NAV2: variants seen among roughly 807,000 people sequenced by gnomAD.
NAV2 encodes the protein neuron navigator 2, also known as helicase, APC down-regulated 1.
NAV2 carries 54 observed loss-of-function variants against 223.2 expected under a neutral mutation model. The ratio of observed to expected loss-of-function variants is 0.24; its 90% confidence interval spans 0.19 to 0.30. NAV2 has a LOEUF of 0.30. Ranked by LOEUF, NAV2 falls within the 10% of genes least tolerant of loss-of-function variation. NAV2 has a pLI of 1.00. For missense variants in NAV2, 2,806 were observed against 3,147.5 expected (o/e 0.89, Z 2.60); for synonymous variants, 1,279 against 1,239.3 (o/e 1.03, Z -0.67).
intron 1 of NAV2, among the ~76,000 whole-genome samples, chr11:19,783,861 T>G (rs567975057): frequency 4.6e-4 from 70 of 152,302 alleles, no homozygotes; most frequent in African/African-American, 1.6e-3. Context: ...ATAATGATAA[T>G]GATCATGATG....
At chr11:19,894,306 G>C (rs764513708) in intron 6 of NAV2, among the ~76,000 whole-genome samples, 1 of 152,116 alleles carries the variant, frequency 6.6e-6, no homozygotes, top group Non-Finnish European at 1.5e-5. Context: ...TTGAAGCTTC[G>C]CCTGTTGAGG....
At chr11:19,835,452 G>A (rs2060177626) in intron 2 of NAV2, among the ~76,000 whole-genome samples, 1 of 152,140 alleles carries the variant, frequency 6.6e-6, no homozygotes, top group African/African-American at 2.4e-5. Flanking sequence ...CATCTCCTGT[G>A]TGACTTCTTT....
chr11:19,607,510 G>GA lies in NAV2; in HGVS notation c.76-224973dup, dbSNP rs1417237143. The stretch of plus-strand genomic sequence containing the variant: ...GGCCAGTTCTACTTAAATGTTGTCT[G>GA]ACTGCTACTTAACCCAACACTGCAG... On this transcript the variant is annotated intron_variant, in intron 1 of 37. Transcript: ENST00000360655. 3.3e-5 allele frequency among the ~76,000 whole-genome samples: 5 copies of GA among 152,310 alleles called. No homozygotes were observed. The East Asian group carries it at 9.7e-4, about 29-fold the overall frequency.
chr11:20,022,968 C>A, intron 11 of NAV2: 1 of 1,388,066 alleles, frequency 7.2e-7, no homozygotes, highest in Non-Finnish European at 9.8e-7. Context: ...GCTAGCTAGT[C>A]CTTTAGTTAC....
intron 1 of NAV2, among the ~76,000 whole-genome samples, chr11:19,631,485 C>G (rs2047343942): frequency 6.6e-6 from 1 of 152,166 alleles, no homozygotes; most frequent in Non-Finnish European, 1.5e-5. Flanking sequence ...GAAAGCACAA[C>G]AAGTGTTTTT....
chr11:19,693,501 C>T (rs1185359578), intron 1 of NAV2, among the ~76,000 whole-genome samples: 2 of 152,100 alleles, frequency 1.3e-5, no homozygotes, highest in Non-Finnish European at 2.9e-5. Context: ...CTTTAAGAGG[C>T]CACCAAAGTC....
At chr11:19,765,982 C>G (rs938946191) in intron 1 of NAV2, among the ~76,000 whole-genome samples, 4 of 152,126 alleles carry the variant, frequency 2.6e-5, no homozygotes, top group Non-Finnish European at 5.9e-5. Flanking sequence ...TCTTCCAGGG[C>G]AGGTGCCAGC....
intron 1 of NAV2, among the ~76,000 whole-genome samples, chr11:19,405,462 G>C (rs138424286): frequency 6.6e-6 from 1 of 152,076 alleles, no homozygotes; most frequent in Non-Finnish European, 1.5e-5. Context: ...AGTTCTTTCC[G>C]CAGTCAGGGC....
At chr11:20,077,110 A>G (rs1169913701) in intron 22 of NAV2, among the ~76,000 whole-genome samples, 1 of 152,202 alleles carries the variant, frequency 6.6e-6, no homozygotes, top group Non-Finnish European at 1.5e-5. Flanking sequence ...CCATTGTAGT[A>G]GAGAAGACAG....
intron 1 of NAV2, among the ~76,000 whole-genome samples, chr11:19,429,445 T>C (rs1850963735): frequency 6.6e-6 from 1 of 152,224 alleles, no homozygotes; most frequent in Non-Finnish European, 1.5e-5. Flanking sequence ...TCAATGTTGA[T>C]TCTGCCAGTT....
At chr11:19,547,256 G>A (rs1233781504) in intron 1 of NAV2, among the ~76,000 whole-genome samples, 3 of 152,194 alleles carry the variant, frequency 2.0e-5, no homozygotes, top group Non-Finnish European at 2.9e-5. Flanking sequence ...AGAGCCCAGC[G>A]GAGGGCCAGG....
intron 1 of NAV2, among the ~76,000 whole-genome samples, chr11:19,600,059 A>G (rs1334684839): frequency 3.9e-5 from 6 of 152,174 alleles, no homozygotes; most frequent in African/African-American, 7.2e-5. Flanking sequence ...TGAGACAGCG[A>G]GGAGAAAGCC....
intron 11 of NAV2, among the ~76,000 whole-genome samples, chr11:20,001,057 C>T (rs903571652): frequency 1.3e-5 from 2 of 152,172 alleles, no homozygotes; most frequent in Admixed American, 6.5e-5. Flanking sequence ...ACCCTCCAGC[C>T]TTGGCCCCTG....
At chr11:19,857,008 T>C (rs1433039741) in intron 3 of NAV2, among the ~76,000 whole-genome samples, 2 of 152,228 alleles carry the variant, frequency 1.3e-5, no homozygotes, top group Non-Finnish European at 2.9e-5. Flanking sequence ...CACAGGCTGG[T>C]GTGAGGGAAC....
At chr11:20,006,888 G>A (rs1013601539) in intron 11 of NAV2, among the ~76,000 whole-genome samples, 1 of 151,762 alleles carries the variant, frequency 6.6e-6, no homozygotes, top group African/African-American at 2.4e-5. Context: ...GTACAAAAAT[G>A]CAAAATAATT....
rs115282477 is a variant in NAV2, at chr11:19,638,038, G to A, written c.76-194446G>A. Among the ~76,000 whole-genome samples, 380 of 152,294 alleles carry A rather than the reference G, an allele frequency of 2.5e-3. 2 individuals are homozygous for A. The highest frequency in any genetic ancestry group is 8.7e-3 in the African/African-American group (362 of 41,564). On this transcript the variant is annotated intron_variant, in intron 1 of 37. Transcript: ENST00000360655. ...TCTAAAATACTCAGGGTAACCTTAG[G>A]AGGTATATATTGATACGTCACTTGT...
rs1554969052 is a variant in NAV2, at chr11:20,106,207, A to ATATGTGTGTG, written c.6841+483_6841+484insGTGTGTGTAT. 3.1e-4 allele frequency among the ~76,000 whole-genome samples: 16 copies of ATATGTGTGTG among 50,880 alleles called. 1 individual carries two copies. The highest frequency in any genetic ancestry group is 7.3e-4 in the African/African-American group (14 of 19,250). 33.4% of individuals were successfully genotyped at this position (50,880 alleles called of 152,430 possible). A position where few individuals can be genotyped will look rare whatever the true frequency, so the allele number is the denominator to read the frequency against. On this transcript the variant is annotated intron_variant, in intron 35 of 37. Transcript: ENST00000349880. Reference sequence around the variant, plus strand: ...TGTATATATATATATATATATATATATATATATATATATATATATATATGC... The same window carrying ATATGTGTGTG: ...TGTATATATATATATATATATATATATATGTGTGTGTATATATATATATATATATATATGC...
At position 19,488,622 on chromosome 11, in the gene NAV2, T is replaced by A. The variant is rs114164332; in HGVS notation, c.75+137595T>A. Among the ~76,000 whole-genome samples, 245 of 152,336 alleles carry A rather than the reference T, an allele frequency of 1.6e-3. 2 individuals carry two copies. Among genetic ancestry groups the A allele is most frequent in the African/African-American group, 5.6e-3 (233 of 41,574 alleles). On this transcript the variant is annotated intron_variant, in intron 1 of 37. Transcript: ENST00000360655. ...TTTACCTCTAAATTGGGGATCGTAA[T>A]ACTTATTCCACAGCATTGTTAGAAA...
At chr11:19,573,208 G>C (rs1240338792) in intron 1 of NAV2, among the ~76,000 whole-genome samples, 1 of 152,122 alleles carries the variant, frequency 6.6e-6, no homozygotes, top group Non-Finnish European at 1.5e-5. Context: ...TTTCCCAGAA[G>C]TCATCTTCTC....
Sources: gnomAD v4.1 joint callset for allele counts (sites outside exome capture counted in the v4.1 genomes callset) on GRCh38, gnomAD v4.1.1 for gene constraint, MANE v1.5 for transcripts, NCBI Gene and HGNC (gene_info 2026-07-23, HGNC 2026-07-21) for gene names.